USP22: variants seen among roughly 807,000 people sequenced by gnomAD.
USP22 encodes ubiquitin specific peptidase 22, also known as ubiquitin carboxyl-terminal hydrolase 22.
Under a neutral mutation model 68.1 loss-of-function variants are expected in USP22, and 22 were observed. That is an observed-to-expected ratio of 0.32 (90% CI 0.23 to 0.46). The LOEUF (loss-of-function observed/expected upper bound fraction) is 0.46, where lower values mean the gene tolerates loss of function less well. USP22 is among the 20% of genes least tolerant of loss of function. The probability of loss-of-function intolerance (pLI) is 1.00; values close to 1 mark genes in which losing one functional copy is unlikely to be tolerated. For synonymous variants in USP22, 279 were observed against 274.2 expected (o/e 1.02, Z -0.17); for missense variants, 433 against 695.8 (o/e 0.62, Z 4.25).
intron 12 of USP22, among the ~76,000 whole-genome samples, chr17:21,003,557 G>A (rs1402045275): frequency 6.6e-6 from 1 of 152,176 alleles, no homozygotes; most frequent in African/African-American, 2.4e-5. Context: ...AGGGTCAACA[G>A]GTTTCTCTAT....
intron 7 of USP22, 130 bp from the exon 8 acceptor site, chr17:21,011,439 T>A: frequency 8.1e-7 from 1 of 1,241,034 alleles, no homozygotes; most frequent in Admixed American, 2.2e-5. Flanking sequence ...TCAGGTGGGA[T>A]GGGGCAGGAG....
intron 1 of USP22, among the ~76,000 whole-genome samples, chr17:21,031,770 C>T (rs892190904): frequency 6.6e-5 from 10 of 152,192 alleles, no homozygotes; most frequent in Admixed American, 1.3e-4. Flanking sequence ...GCTACACACT[C>T]CATTATGGTC....
chr17:21,028,677 G>A lies in USP22; in HGVS notation c.172-3C>T. 6.2e-7 allele frequency: 1 copy of A among 1,613,512 alleles called. No individual in the cohort carries two copies. Among genetic ancestry groups the A allele is most frequent in the Non-Finnish European group, 8.5e-7 (1 of 1,179,914 alleles). On this transcript the variant is annotated splice_region_variant and splice_polypyrimidine_tract_variant and intron_variant, in intron 1 of 12. Coordinates refer to ENST00000261497, the MANE Select transcript of USP22 (RefSeq NM_015276.2). Reference sequence around the variant, plus strand: ...ACATGGCAGATACAGGACTTGGCCTGAAATTCAGAGAAGAGGAGGAGTGAA... The same window carrying A: ...ACATGGCAGATACAGGACTTGGCCTAAAATTCAGAGAAGAGGAGGAGTGAA...
chr17:21,015,801 G>A lies in USP22; in HGVS notation c.789C>T (p.Ala263=). 1 of 1,613,950 alleles carries A rather than the reference G, an allele frequency of 6.2e-7. No individual in the cohort carries two copies. The highest frequency in any genetic ancestry group is 8.5e-7 in the Non-Finnish European group (1 of 1,180,014). ...RHLAGYEQQD[A]HEFLIAALDV... ...CCAGGGCCGCGATGAGGAACTCGTG[G>A]GCGTCCTGCTGCTCGTAGCCTGCTA... Residue 263 remains alanine (A), a synonymous_variant, in exon 6 of 13, where the codon GCC becomes GCT. Coordinates refer to ENST00000261497, the MANE Select transcript of USP22 (RefSeq NM_015276.2).
At chr17:21,029,831 GGATA>G (rs997557271) in intron 1 of USP22, among the ~76,000 whole-genome samples, 1 of 152,206 alleles carries the variant, frequency 6.6e-6, no homozygotes, top group African/African-American at 2.4e-5. Context: ...GAAATACTCA[GGATA>G]GATAAATCCA....
chr17:21,012,978 A>C, intron 6 of USP22, 43 bp from the exon 7 acceptor site: 10 of 1,555,196 alleles, frequency 6.4e-6, no homozygotes, highest in Non-Finnish European at 8.0e-6. Flanking sequence ...CTCCCCAAAT[A>C]TGGGGAGTCT....
In USP22 at chr17:21,042,675, C is replaced by A; in HGVS notation, c.161G>T (p.Arg54Leu). Residue 54 changes from arginine (R) to leucine (L), a missense_variant, in exon 1 of 13, where the codon CGC (arginine) becomes CTC (leucine). By Grantham distance (102) the Arg-to-Leu change is moderately radical. Around this residue, in one of 4 missense-constraint regions of USP22, gnomAD observed 110 missense variants for 89.9 expected, o/e 1.22. Transcript: ENST00000261497. ...GGCTGCCGGGCGCACCTTGCGCTTG[C>A]GGGCCTCAGCCGTGCCGCTCCACAC... is the stretch of plus-strand genomic sequence containing the variant. ...CFVWSGTAEA[R>L]KRKAKSCICH... is the part of the protein sequence containing the mutation. 1.5e-6 allele frequency: 2 copies of A among 1,294,190 alleles called. No individual in the cohort carries two copies. Among genetic ancestry groups the A allele is most frequent in the South Asian group, 2.2e-5 (1 of 44,988 alleles). The allele number at this position is 1,294,190 out of a possible 1,614,324, so 80.2% of individuals were successfully genotyped here. A position where few individuals can be genotyped will look rare whatever the true frequency, so the allele number is the denominator to read the frequency against.
Position 21,042,996 on chromosome 17 carries a change from G to C in USP22, c.-161C>G, listed in dbSNP as rs1023539591. 8.4e-6 allele frequency: 3 copies of C among 358,940 alleles called. No homozygotes were observed. Among genetic ancestry groups the C allele is most frequent in the Non-Finnish European group, 1.4e-5 (3 of 210,312 alleles). 22.2% of individuals were successfully genotyped at this position (358,940 alleles called of 1,614,324 possible). A position where few individuals can be genotyped will look rare whatever the true frequency, so the allele number is the denominator to read the frequency against. Reference sequence around the variant, plus strand: ...ACAAAGATGGGGCTGCGCGATCGCCGAGGGGAGGCTGCAAGGCAGGCACCG... The same window carrying C: ...ACAAAGATGGGGCTGCGCGATCGCCCAGGGGAGGCTGCAAGGCAGGCACCG... On this transcript the variant is annotated 5_prime_UTR_variant, in exon 1 of 13. Transcript: ENST00000261497.
intron 4 of USP22, chr17:21,018,313 C>T (rs991314762): frequency 3.1e-5 from 15 of 489,884 alleles, no homozygotes; most frequent in Non-Finnish European, 4.6e-5. Context: ...CCACCATGGA[C>T]CCCTCCCACT....
chr17:21,026,832 C>T (rs1423133077), intron 2 of USP22, among the ~76,000 whole-genome samples: 2 of 147,736 alleles, frequency 1.4e-5, no homozygotes, highest in Non-Finnish European at 3.0e-5. Flanking sequence ...GACAGATTCT[C>T]GCTGTGTTGT....
intron 1 of USP22, among the ~76,000 whole-genome samples, chr17:21,038,477 T>G (rs1258391353): frequency 2.6e-5 from 4 of 152,040 alleles, no homozygotes; most frequent in African/African-American, 9.7e-5. Flanking sequence ...AAGACCAGCC[T>G]GGGCAACATG....
At chr17:21,006,818 A>AG in intron 10 of USP22, 78 bp downstream of exon 10, 1 of 1,220,188 alleles carries the variant, frequency 8.2e-7, no homozygotes. Context: ...TCATCTTAAT[A>AG]GGAGCTCCGA....
At chr17:21,029,408 T>C (rs947298595) in intron 1 of USP22, among the ~76,000 whole-genome samples, 3 of 152,236 alleles carry the variant, frequency 2.0e-5, no homozygotes, top group African/African-American at 7.2e-5. Flanking sequence ...ACCTACTATG[T>C]ACCCATCAGA....
At chr17:21,029,765 G>A (rs532016972) in intron 1 of USP22, among the ~76,000 whole-genome samples, 1 of 152,308 alleles carries the variant, frequency 6.6e-6, no homozygotes, top group South Asian at 2.1e-4. Flanking sequence ...AAAATATCAT[G>A]CTAAGTGAAG....
chr17:21,015,748 C>T lies in USP22; in HGVS notation c.838+4G>A, dbSNP rs765385993. ...TGGTGGAGGGTGCAGAGCCCAGGGC[C>T]CACCTTTGCAGTGTCGGTGGAGCAC... On this transcript the variant is annotated splice_donor_region_variant and intron_variant, in intron 6 of 12. Coordinates refer to ENST00000261497, the MANE Select transcript of USP22 (RefSeq NM_015276.2). 5.0e-6 allele frequency: 8 copies of T among 1,612,204 alleles called. No individual in the cohort carries two copies. The African/African-American group carries it at 5.3e-5, about 11-fold the overall frequency.
At chr17:21,025,984 G>A (rs889964947) in intron 2 of USP22, among the ~76,000 whole-genome samples, 2 of 152,222 alleles carry the variant, frequency 1.3e-5, no homozygotes, top group East Asian at 1.9e-4. Flanking sequence ...ATAGGGCCAG[G>A]CGCGGTGGCT....
intron 6 of USP22, 132 bp from the exon 7 acceptor site, chr17:21,013,067 C>T (rs941968272): frequency 6.0e-6 from 4 of 665,024 alleles, no homozygotes; most frequent in African/African-American, 3.6e-5. Context: ...GAGGACACTC[C>T]TCATTTTAGC....
intron 7 of USP22, among the ~76,000 whole-genome samples, chr17:21,012,275 A>G (rs1913993985): frequency 6.6e-6 from 1 of 152,112 alleles, no homozygotes; most frequent in Non-Finnish European, 1.5e-5. Flanking sequence ...AACAAAAACA[A>G]AAACAAAAAA....
intron 6 of USP22, among the ~76,000 whole-genome samples, chr17:21,014,757 C>G (rs1423051384): frequency 6.6e-6 from 1 of 152,154 alleles, no homozygotes; most frequent in East Asian, 1.9e-4. Flanking sequence ...TAAAAGACTC[C>G]AAGTTAAAAT....
Sources: gnomAD v4.1 joint callset for allele counts (sites outside exome capture counted in the v4.1 genomes callset) on GRCh38, gnomAD v4.1.1 for gene constraint, gnomAD v4.1.1 regional missense constraint, MANE v1.5 for transcripts, NCBI Gene and HGNC (gene_info 2026-07-23, HGNC 2026-07-21) for gene names.